Variants in ST6GALNAC3 observed in about 807,000 individuals in gnomAD.
ST6GALNAC3 encodes the protein ST6 N-acetylgalactosaminide alpha-2,6-sialyltransferase 3, also known as alpha-N-acetylgalactosaminide alpha-2,6-sialyltransferase 3.
A neutral mutation model predicts 32.7 loss-of-function variants in ST6GALNAC3; 25 were observed. The observed-to-expected ratio is 0.76, with a 90% CI of 0.56 to 1.07. The LOEUF (loss-of-function observed/expected upper bound fraction) is 1.07, where lower values mean the gene tolerates loss of function less well. ST6GALNAC3 is among the 50% of genes least tolerant of loss of function. The probability of loss-of-function intolerance (pLI) is 0.00; values close to 1 mark genes in which losing one functional copy is unlikely to be tolerated. For missense variants in ST6GALNAC3, 355 were observed against 382.4 expected, an observed-to-expected ratio of 0.93 and a Z score of 0.60; for synonymous variants, 129 against 133.1, an observed-to-expected ratio of 0.97 and a Z score of 0.21.
chr1:76,627,393 T>C, intron 3 of ST6GALNAC3, 59 bp from the exon 4 acceptor site: 1 of 1,099,174 alleles, frequency 9.1e-7, no homozygotes, highest in Non-Finnish European at 1.4e-6. Flanking sequence ...ACCTTATTGT[T>C]CTGTGTGTGT....
intron 3 of ST6GALNAC3, among the ~76,000 whole-genome samples, chr1:76,465,684 G>A (rs1007018392): frequency 9.2e-5 from 14 of 152,156 alleles, no homozygotes; most frequent in Admixed American, 2.6e-4. Context: ...AAACTGACTA[G>A]GAAAGAATGG....
chr1:76,079,472 T>A (rs953615403), intron 1 of ST6GALNAC3, among the ~76,000 whole-genome samples: 7 of 152,256 alleles, frequency 4.6e-5, no homozygotes, highest in Non-Finnish European at 8.8e-5. Context: ...AACTTTTATA[T>A]TGGAAGTGGA....
intron 2 of ST6GALNAC3, among the ~76,000 whole-genome samples, chr1:76,322,862 A>G (rs1646995780): frequency 6.6e-6 from 1 of 151,312 alleles, no homozygotes; most frequent in Non-Finnish European, 1.5e-5. Flanking sequence ...ATTTATTGAC[A>G]TGGAGTCTCG....
At chr1:76,391,176 G>A (rs924897711) in intron 2 of ST6GALNAC3, among the ~76,000 whole-genome samples, 15 of 152,014 alleles carry the variant, frequency 9.9e-5, no homozygotes, top group Non-Finnish European at 1.8e-4. Flanking sequence ...TCATGACCTC[G>A]TGATCCGCCC....
chr1:76,436,261 T>G (rs1175483635), intron 3 of ST6GALNAC3, among the ~76,000 whole-genome samples: 1 of 152,116 alleles, frequency 6.6e-6, no homozygotes, highest in Non-Finnish European at 1.5e-5. Context: ...AGTTCGAAGA[T>G]AGATTAAAGG....
At chr1:76,139,162 C>G (rs952773794) in intron 1 of ST6GALNAC3, among the ~76,000 whole-genome samples, 1 of 151,788 alleles carries the variant, frequency 6.6e-6, no homozygotes, top group African/African-American at 2.4e-5. Context: ...CCACTGCACT[C>G]CAGCCTGGGC....
intron 3 of ST6GALNAC3, among the ~76,000 whole-genome samples, chr1:76,592,963 A>G (rs1647072284): frequency 6.6e-6 from 1 of 151,696 alleles, no homozygotes; most frequent in African/African-American, 2.4e-5. Flanking sequence ...ATTCTTTTCC[A>G]CATACAAAGA....
intron 3 of ST6GALNAC3, among the ~76,000 whole-genome samples, chr1:76,605,065 G>A (rs1306355973): frequency 2.6e-5 from 4 of 152,076 alleles, no homozygotes; most frequent in Non-Finnish European, 2.9e-5. Context: ...AACATGTTCT[G>A]TTATTTTTCC....
chr1:76,391,270 A>T (rs143469780), intron 2 of ST6GALNAC3, among the ~76,000 whole-genome samples: 4 of 152,058 alleles, frequency 2.6e-5, no homozygotes, highest in Non-Finnish European at 5.9e-5. Flanking sequence ...TAAGTGATCA[A>T]TATAGTTGTT....
intron 2 of ST6GALNAC3, among the ~76,000 whole-genome samples, chr1:76,365,177 A>G (rs1650273425): frequency 2.0e-5 from 3 of 152,248 alleles, no homozygotes; most frequent in Non-Finnish European, 4.4e-5. Context: ...CTTTGCAGTA[A>G]CATGGATGGA....
chr1:76,151,415 T>G (rs1651033368), intron 1 of ST6GALNAC3, among the ~76,000 whole-genome samples: 1 of 152,194 alleles, frequency 6.6e-6, no homozygotes, highest in South Asian at 2.1e-4. Context: ...GTTTAGTCCC[T>G]CGTAGAAAGG....
At chr1:76,613,203 T>C (rs1200674963) in intron 3 of ST6GALNAC3, among the ~76,000 whole-genome samples, 5 of 152,200 alleles carry the variant, frequency 3.3e-5, no homozygotes, top group African/African-American at 1.2e-4. Flanking sequence ...TTTAGTTAAA[T>C]TGATATTTCC....
At chr1:76,264,916 T>TA (rs5775333) in intron 1 of ST6GALNAC3, among the ~76,000 whole-genome samples, 1 of 150,332 alleles carries the variant, frequency 6.7e-6, no homozygotes, top group East Asian at 1.9e-4. Context: ...TTTTTTTTTT[T>TA]AACTAGATTA....
intron 2 of ST6GALNAC3, among the ~76,000 whole-genome samples, chr1:76,359,380 C>T (rs1360144197): frequency 6.6e-6 from 1 of 152,088 alleles, no homozygotes; most frequent in Admixed American, 6.6e-5. Context: ...GCAGAGTGAG[C>T]CCCTAAACCA....
chr1:76,526,979 G>A (rs953716145), intron 3 of ST6GALNAC3, among the ~76,000 whole-genome samples: 16 of 152,096 alleles, frequency 1.1e-4, no homozygotes, highest in African/African-American at 2.9e-4. Context: ...GAGGAGAATG[G>A]GTAGAAAATG....
intron 3 of ST6GALNAC3, among the ~76,000 whole-genome samples, chr1:76,579,477 C>G (rs1281380459): frequency 3.3e-5 from 5 of 152,008 alleles, no homozygotes; most frequent in African/African-American, 1.2e-4. Context: ...GTCTTAATGT[C>G]ATCAGATCTC....
Position 76,293,632 on chromosome 1 carries a change from G to A in ST6GALNAC3, c.19-20173G>A, listed in dbSNP as rs573556714. Among the ~76,000 whole-genome samples, 65 of 152,248 alleles carry A rather than the reference G, an allele frequency of 4.3e-4. No individual in the cohort carries two copies. In the South Asian group the frequency reaches 5.6e-3, roughly 13 times the overall value. ...TCTTTATATTATTCACAAGGTCAAT[G>A]CAAGAAACATTTAAACATCTCGTTG... On this transcript the variant is annotated intron_variant, in intron 1 of 4. Transcript: ENST00000328299.
At chr1:76,095,029 A>G (rs529306458) in intron 1 of ST6GALNAC3, among the ~76,000 whole-genome samples, 1 of 152,240 alleles carries the variant, frequency 6.6e-6, no homozygotes, top group South Asian at 2.1e-4. Context: ...TATACCTATT[A>G]GGTGATACGA....
intron 3 of ST6GALNAC3, among the ~76,000 whole-genome samples, chr1:76,471,480 C>T (rs999765526): frequency 3.9e-5 from 6 of 151,974 alleles, no homozygotes; most frequent in East Asian, 1.9e-4. Flanking sequence ...TCAGTGAAGC[C>T]GGGATTCTTA....
Sources: allele counts gnomAD v4.1 joint callset (sites outside exome capture counted in the v4.1 genomes callset), GRCh38; gene constraint gnomAD v4.1.1; transcripts MANE v1.5; gene names NCBI Gene and HGNC (gene_info 2026-07-23, HGNC 2026-07-21).